The following ANKS1A variants were observed in gnomAD, a reference collection of about 807,000 sequenced individuals.
The protein encoded by ANKS1A is ankyrin repeat and sterile alpha motif domain containing 1A.
A neutral mutation model predicts 120.3 loss-of-function variants in ANKS1A; 55 were observed. The ratio of observed to expected loss-of-function variants is 0.46; its 90% CI spans 0.37 to 0.57. The LOEUF (loss-of-function observed/expected upper bound fraction) is 0.57. Among genes scored for constraint, ANKS1A ranks in the 20% least tolerant of loss-of-function variants. The pLI, the probability that ANKS1A is intolerant of heterozygous loss-of-function variation, is 0.00. For missense variants in ANKS1A, 1,123 were observed against 1,480.3 expected (o/e 0.76, Z 3.96); for synonymous variants, 590 against 604.7 (o/e 0.98, Z 0.36).
chr6:34,984,974 AGTG>A, intron 7 of ANKS1A, 105 bp from the exon 8 acceptor site: 1 of 918,944 alleles, frequency 1.1e-6, no homozygotes, highest in South Asian at 1.6e-5. Context: ...GCTCTGGGTT[AGTG>A]TTTGTGAGCG....
intron 11 of ANKS1A, among the ~76,000 whole-genome samples, chr6:35,051,384 T>C (rs1403274319): frequency 6.6e-6 from 1 of 152,176 alleles, no homozygotes; most frequent in African/African-American, 2.4e-5. Flanking sequence ...CGGATGCTGA[T>C]TGGACAGGCC....
rs374618664 is a variant in ANKS1A at position 35,079,628 on chromosome 6, T to C, written c.2396T>C (p.Ile799Thr). The C allele has an allele frequency of 1.8e-5, 29 of 1,614,054 alleles. No homozygotes were observed. The highest frequency in any genetic ancestry group is 1.6e-4 in the Middle Eastern group (1 of 6,084). Residue 799 changes from isoleucine (I) to threonine (T), a missense_variant, in exon 15 of 24, where the codon ATT (isoleucine) becomes ACT (threonine). Around this residue, in one of 3 missense-constraint regions of ANKS1A, gnomAD observed 904 missense variants for 1,130.4 expected, o/e 0.80. Transcript: ENST00000360359. Reference sequence around the variant, plus strand: ...TTCTTGTCAAGTGGTTACAGCTCCATTGACACCGTGAAGAACCTCTGGGAG... The same window carrying C: ...TTCTTGTCAAGTGGTTACAGCTCCACTGACACCGTGAAGAACCTCTGGGAG... Reference protein sequence around the residue: ...HSFLSSGYSSIDTVKNLWELE... With the variant: ...HSFLSSGYSSTDTVKNLWELE...
At chr6:34,949,056 A>G (rs1769940064) in intron 1 of ANKS1A, among the ~76,000 whole-genome samples, 1 of 152,238 alleles carries the variant, frequency 6.6e-6, no homozygotes, top group Non-Finnish European at 1.5e-5. Flanking sequence ...GGTTTTAGGC[A>G]TGGGGTTAGT....
chr6:34,913,562 C>T (rs529109430), intron 1 of ANKS1A, among the ~76,000 whole-genome samples: 1 of 152,286 alleles, frequency 6.6e-6, no homozygotes, highest in East Asian at 1.9e-4. Flanking sequence ...CCGCCTTGGC[C>T]TCTCAAAGTG....
chr6:34,965,493 A>T (rs1428230402), intron 1 of ANKS1A, among the ~76,000 whole-genome samples: 3 of 152,084 alleles, frequency 2.0e-5, no homozygotes. Context: ...CTAGGACTAC[A>T]GGTGCCCGCC....
intron 1 of ANKS1A, among the ~76,000 whole-genome samples, chr6:34,909,077 A>G (rs914312431): frequency 6.6e-6 from 1 of 152,160 alleles, no homozygotes; most frequent in Non-Finnish European, 1.5e-5. Flanking sequence ...GTCACCTGCT[A>G]GCCAAAAATG....
intron 2 of ANKS1A, 102 bp downstream of exon 2, chr6:34,967,421 C>G (rs1311782063): frequency 8.8e-7 from 1 of 1,141,806 alleles, no homozygotes; most frequent in Non-Finnish European, 1.3e-6. Flanking sequence ...AGCTTAGTGG[C>G]TCATGCCTGT....
At chr6:34,919,560 A>G (rs1433464955) in intron 1 of ANKS1A, among the ~76,000 whole-genome samples, 1 of 152,170 alleles carries the variant, frequency 6.6e-6, no homozygotes, top group Non-Finnish European at 1.5e-5. Flanking sequence ...TCAATCTTTA[A>G]CAGCTTTTGG....
In ANKS1A at chr6:35,089,407, G is replaced by T; in HGVS notation, c.*798G>T. On this transcript the variant is annotated 3_prime_UTR_variant, in exon 24 of 24. Coordinates refer to ENST00000360359, the MANE Select transcript of ANKS1A (RefSeq NM_015245.3). ...CTTACCTGTCAGTGATCGGAGCACTGCCCTGGGCTGGCCGGCGCCGTACTG... is the reference window on the plus strand; with the variant it reads ...CTTACCTGTCAGTGATCGGAGCACTTCCCTGGGCTGGCCGGCGCCGTACTG... The T allele has an allele frequency of 4.1e-6, 4 of 986,936 alleles. No homozygotes were observed. In the African/African-American group the frequency reaches 5.2e-5, roughly 13 times the overall value. 61.1% of individuals were successfully genotyped at this position (986,936 alleles called of 1,614,324 possible). A position where few individuals can be genotyped will look rare whatever the true frequency, so the allele number is the denominator to read the frequency against.
chr6:35,078,646 C>T lies in ANKS1A; in HGVS notation c.2273C>T (p.Ser758Phe), dbSNP rs1458073288. The T allele has an allele frequency of 5.6e-6, 9 of 1,602,246 alleles. No homozygotes were observed. Among genetic ancestry groups the T allele is most frequent in the Non-Finnish European group, 7.6e-6 (9 of 1,179,856 alleles). ...CGGAAGCTGCTCCAGGCGGCACGCT[C>T]CCTACCCAAGGTGACCATCGCCGGC... ...HRRKLLQAAR[S>F]LPKVKALGYD... Residue 758 changes from serine to phenylalanine, a missense_variant, in exon 14 of 24, where the codon TCC (serine) becomes TTC (phenylalanine). By Grantham distance (155) the Ser-to-Phe change is radical. This residue lies in a region of ANKS1A where 904 missense variants were observed against 1,130.4 expected (regional missense o/e 0.80). Transcript: ENST00000360359.
intron 9 of ANKS1A, among the ~76,000 whole-genome samples, chr6:34,991,779 CACACATATATATAT>C: frequency 7.3e-6 from 1 of 137,782 alleles, no homozygotes. Context: ...CATATATATA[CACACATATATATAT>C]ACATATATAT....
At chr6:34,958,070 A>C (rs1770456815) in intron 1 of ANKS1A, among the ~76,000 whole-genome samples, 1 of 152,318 alleles carries the variant, frequency 6.6e-6, no homozygotes, top group South Asian at 2.1e-4. Context: ...GCTTTATATA[A>C]CATAGGATTA....
Position 34,982,604 on chromosome 6 carries a change from C to T in ANKS1A, c.733-148C>T, listed in dbSNP as rs1771959813. The stretch of plus-strand genomic sequence containing the variant: ...GCCATGATCGTGGTTTTGGAATCCA[C>T]ACAAGAAAAGCTGGAAAGATAATGA... On this transcript the variant is annotated intron_variant, in intron 4 of 23. Coordinates refer to ENST00000360359, the MANE Select transcript of ANKS1A (RefSeq NM_015245.3). This position sits in a 1 kb window ranked among gnomAD's most constrained non-coding sequence, Gnocchi z 4.9. 1.2e-6 allele frequency: 1 copy of T among 848,320 alleles called. No homozygotes were observed. The highest frequency in any genetic ancestry group is 1.9e-6 in the Non-Finnish European group (1 of 531,974). The allele number at this position is 848,320 out of a possible 1,614,324, so 52.5% of individuals were successfully genotyped here.
intron 3 of ANKS1A, among the ~76,000 whole-genome samples, chr6:34,979,422 C>G (rs1197503662): frequency 6.6e-6 from 1 of 152,188 alleles, no homozygotes; most frequent in Non-Finnish European, 1.5e-5. Flanking sequence ...AAGATGCTCC[C>G]TATACTGTGT....
Position 35,050,987 on chromosome 6 carries a change from C to T in ANKS1A, c.2011-3112C>T, listed in dbSNP as rs1034269227. ...ACTTCCTAGCCTGGGCAAAATCGTC[C>T]TGAGAGCATCCATTAGCATTTCCCA... On this transcript the variant is annotated intron_variant, in intron 11 of 23. Transcript: ENST00000360359. The surrounding 1 kb of genome is among the most constrained non-coding windows in gnomAD (Gnocchi z 4.3). Among the ~76,000 whole-genome samples, 6 of 152,178 alleles carry T rather than the reference C, an allele frequency of 3.9e-5. No homozygotes were observed. The South Asian group carries it at 1.0e-3, about 26-fold the overall frequency.
chr6:35,066,087 C>T (rs1223696851), intron 13 of ANKS1A, among the ~76,000 whole-genome samples: 1 of 152,158 alleles, frequency 6.6e-6, no homozygotes, highest in African/African-American at 2.4e-5. Context: ...GGCAGGTTAC[C>T]CTTCCTCCCT....
At chr6:35,039,661 A>C in intron 11 of ANKS1A, 1 of 455,720 alleles carries the variant, frequency 2.2e-6, no homozygotes, top group South Asian at 1.6e-5. Flanking sequence ...TGCTCTGCAC[A>C]GAAGCCATTC....
At chr6:34,966,194 ACTCTCAAGTAGATG>A (rs1244776312) in intron 1 of ANKS1A, among the ~76,000 whole-genome samples, 2 of 152,152 alleles carry the variant, frequency 1.3e-5, no homozygotes, top group Non-Finnish European at 1.5e-5. Flanking sequence ...TAAATAATCT[ACTCTCAAGTAGATG>A]CTCTCAAGTA....
Position 35,036,597 on chromosome 6 carries a change from C to CT in ANKS1A, c.2011-17494dup, listed in dbSNP as rs1461662300. On this transcript the variant is annotated intron_variant, in intron 11 of 23. Coordinates refer to ENST00000360359, the MANE Select transcript of ANKS1A (RefSeq NM_015245.3). ...GAGATTTGTTTAACAGTTATGTTAA[C>CT]TTTTTTTTGGTTTAAACTGTCAACA... Among the ~76,000 whole-genome samples the CT allele has an allele frequency of 5.9e-5, 9 of 152,160 alleles. No individual in the cohort carries two copies. The East Asian group carries it at 1.7e-3, about 29-fold the overall frequency.
Sources: gnomAD v4.1 joint callset for allele counts (sites outside exome capture counted in the v4.1 genomes callset) on GRCh38, gnomAD v4.1.1 for gene constraint, gnomAD v4.1.1 regional missense constraint, Gnocchi (gnomAD v3.1) non-coding constraint, MANE v1.5 for transcripts, NCBI Gene and HGNC (gene_info 2026-07-23, HGNC 2026-07-21) for gene names.